Variants in RHOG observed in about 807,000 individuals in gnomAD.
RHOG encodes ras homolog family member G.
A neutral mutation model predicts 12.3 loss-of-function variants in RHOG; 1 was observed. The ratio of observed to expected loss-of-function variants is 0.08; its 90% confidence interval spans 0.03 to 0.39. RHOG has a LOEUF of 0.39. Ranked by LOEUF, RHOG falls within the 10% of genes least tolerant of loss-of-function variation. The pLI is 0.99. For missense variants in RHOG, 114 were observed against 266.2 expected, an observed-to-expected ratio of 0.43 and a Z score of 3.98; for synonymous variants, 129 against 116.0, an observed-to-expected ratio of 1.11 and a Z score of -0.72.
At chr11:3,837,533 A>C (rs1590481148) in intron 1 of RHOG, among the ~76,000 whole-genome samples, 1 of 152,336 alleles carries the variant, frequency 6.6e-6, no homozygotes, top group East Asian at 1.9e-4. Flanking sequence ...AGGAAGAGTC[A>C]GAGCCATGAT....
rs1445808133 is a variant in RHOG at position 3,840,879 on chromosome 11, C to A, written c.-69+15G>T. 2 of 152,238 alleles carry A rather than the reference C, an allele frequency of 1.3e-5. No individual in the cohort carries two copies. Among genetic ancestry groups the A allele is most frequent in the Admixed American group, 6.5e-5 (1 of 15,270 alleles). 9.4% of individuals were successfully genotyped at this position (152,238 alleles called of 1,614,324 possible). The stretch of plus-strand genomic sequence containing the variant: ...TCCCCCGGACCCCTACCCGCCAGCC[C>A]CGGCCGGGCCTCACCTGGTGCCCTC... On this transcript the variant is annotated intron_variant, in intron 1 of 1. Transcript: ENST00000351018.
In RHOG at chr11:3,827,574, T is replaced by C; in HGVS notation, c.565A>G (p.Ile189Val). The change falls in exon 2 of 2, where the codon ATC becomes GTC. Residue 189 changes from isoleucine to valine, a missense_variant. By Grantham distance (29) the Ile-to-Val change is conservative. Transcript: ENST00000351018. The surrounding 1 kb of genome is among the most constrained non-coding windows in gnomAD (Gnocchi z 7.3). ...PTPIKRGRSC[I>V]LL The stretch of plus-strand genomic sequence containing the variant: ...GCCAAGTGCCAGGGTCACAAGAGGA[T>C]GCAGGACCGCCCACGCTTGATCGGC... 4 of 1,605,278 alleles carry C rather than the reference T, an allele frequency of 2.5e-6. No individual in the cohort carries two copies. The highest frequency in any genetic ancestry group is 3.4e-6 in the Non-Finnish European group (4 of 1,179,108).
At chr11:3,839,584 C>T (rs528087165) in intron 1 of RHOG, among the ~76,000 whole-genome samples, 7 of 139,438 alleles carry the variant, frequency 5.0e-5, no homozygotes, top group Non-Finnish European at 1.1e-4. Flanking sequence ...CAGACACGCG[C>T]GTGCGAACAC....
chr11:3,827,734 C>T lies in RHOG; in HGVS notation c.405G>A (p.Ala135=), dbSNP rs113954379. ...CCTGGCCCTGCTGCGGTGTGATGGGCGCCTGGCCCTGCTCCTTGAGGCGCC... is the reference window on the plus strand; with the variant it reads ...CCTGGCCCTGCTGCGGTGTGATGGGTGCCTGGCCCTGCTCCTTGAGGCGCC... The part of the protein sequence containing the change: ...TLRRLKEQGQ[A]PITPQQGQAL... Residue 135 remains alanine, a synonymous_variant, in exon 2 of 2, where the codon GCG becomes GCA. Transcript: ENST00000351018. The surrounding 1 kb of genome is among the most constrained non-coding windows in gnomAD (Gnocchi z 7.3). 32 of 1,613,926 alleles carry T rather than the reference C, an allele frequency of 2.0e-5. No homozygotes were observed. Among genetic ancestry groups the T allele is most frequent in the South Asian group, 7.7e-5 (7 of 91,090 alleles).
At chr11:3,836,593 A>C (rs1289783117) in intron 1 of RHOG, among the ~76,000 whole-genome samples, 2 of 151,544 alleles carry the variant, frequency 1.3e-5, no homozygotes, top group Admixed American at 1.3e-4. Flanking sequence ...CAGCACCCTA[A>C]GTGTTCCATA....
chr11:3,839,897 A>T (rs764246050), intron 1 of RHOG, among the ~76,000 whole-genome samples: 92 of 152,140 alleles, frequency 6.0e-4, no homozygotes, highest in Non-Finnish European at 1.0e-3. Flanking sequence ...GCAGAGGACC[A>T]AGACGAACAT....
At chr11:3,832,222 A>T (rs1245892519) in intron 1 of RHOG, among the ~76,000 whole-genome samples, 1 of 152,230 alleles carries the variant, frequency 6.6e-6, no homozygotes, top group Non-Finnish European at 1.5e-5. Flanking sequence ...TTTGACCTTT[A>T]TAACAACCTG....
intron 1 of RHOG, among the ~76,000 whole-genome samples, chr11:3,835,038 A>ATT (rs952368357): frequency 6.6e-6 from 1 of 152,176 alleles, no homozygotes; most frequent in Admixed American, 6.5e-5. Flanking sequence ...GAAAGCGTAA[A>ATT]TTATCCAAGT....
At chr11:3,828,787 A>G (rs900369238) in intron 1 of RHOG, among the ~76,000 whole-genome samples, 4 of 151,440 alleles carry the variant, frequency 2.6e-5, no homozygotes, top group African/African-American at 2.4e-5. Context: ...CGCCCGGCTA[A>G]TTTTTTGTAT....
At chr11:3,838,525 T>C (rs990865893) in intron 1 of RHOG, among the ~76,000 whole-genome samples, 16 of 152,028 alleles carry the variant, frequency 1.1e-4, no homozygotes, top group African/African-American at 2.4e-5. Flanking sequence ...TGGGCTCTTA[T>C]GTAGGTCCCT....
intron 1 of RHOG, chr11:3,837,890 T>C (rs1266224046): frequency 6.6e-6 from 1 of 152,352 alleles, no homozygotes; most frequent in Non-Finnish European, 1.5e-5. Context: ...CATTACTCAA[T>C]AGCCAGCCAC....
At chr11:3,837,849 C>T (rs1007539820) in intron 1 of RHOG, 3 of 152,218 alleles carry the variant, frequency 2.0e-5, no homozygotes, top group Admixed American at 1.3e-4. Context: ...CATGCCTAGC[C>T]CATCCTGGTG....
chr11:3,840,541 C>CA (rs1037352461), intron 1 of RHOG: 6 of 150,826 alleles, frequency 4.0e-5, no homozygotes, highest in Admixed American at 1.3e-4. Context: ...TCAACACCCC[C>CA]CCCACCAACT....
In RHOG at chr11:3,828,855, C is replaced by T. The variant is rs183367329; in HGVS notation, c.-68-649G>A. Among the ~76,000 whole-genome samples the T allele has an allele frequency of 7.2e-3, 1,101 of 151,916 alleles. 9 individuals carry two copies. Among genetic ancestry groups the T allele is most frequent in the Middle Eastern group, 0.038 (11 of 292 alleles). On this transcript the variant is annotated intron_variant, in intron 1 of 1. Coordinates refer to ENST00000351018, the MANE Select transcript of RHOG (RefSeq NM_001665.4). ...CAGGATGGTCTCGATCTCCTGACCT[C>T]GTGATCCGCCCGCCTTGGCCTCCTA...
chr11:3,831,673 C>T (rs758793662), intron 1 of RHOG, among the ~76,000 whole-genome samples: 14 of 152,204 alleles, frequency 9.2e-5, no homozygotes, highest in Non-Finnish European at 1.3e-4. Flanking sequence ...ATGGTTGTTA[C>T]AAGAGCACTA....
intron 1 of RHOG, 109 bp from the exon 2 acceptor site, chr11:3,828,315 A>G: frequency 1.6e-6 from 1 of 613,788 alleles, no homozygotes; most frequent in Non-Finnish European, 2.9e-6. Flanking sequence ...TTAACCTGAC[A>G]CTATCCCAAA....
chr11:3,828,658 C>CTT (rs1234221855), intron 1 of RHOG, among the ~76,000 whole-genome samples: 1 of 140,142 alleles, frequency 7.1e-6, no homozygotes, highest in Admixed American at 7.3e-5. Flanking sequence ...GAGTCTCACT[C>CTT]TGTCACCCAG....
intron 1 of RHOG, among the ~76,000 whole-genome samples, chr11:3,835,850 G>A (rs143297597): frequency 6.6e-6 from 1 of 152,198 alleles, no homozygotes; most frequent in East Asian, 1.9e-4. Context: ...TTGTTTGTTT[G>A]TTTGTTTTGA....
At chr11:3,838,176 C>T (rs1374746134) in intron 1 of RHOG, among the ~76,000 whole-genome samples, 1 of 152,224 alleles carries the variant, frequency 6.6e-6, no homozygotes, top group African/African-American at 2.4e-5. Flanking sequence ...CTTGACCATA[C>T]CTGTTTAGCC....
Sources: gnomAD v4.1 joint callset for allele counts (sites outside exome capture counted in the v4.1 genomes callset) on GRCh38, gnomAD v4.1.1 for gene constraint, Gnocchi (gnomAD v3.1) non-coding constraint, MANE v1.5 for transcripts, NCBI Gene and HGNC (gene_info 2026-07-23, HGNC 2026-07-21) for gene names.